The following PDE6D variants were observed in gnomAD, a reference collection of about 807,000 sequenced individuals.
The protein encoded by PDE6D is retinal rod rhodopsin-sensitive cGMP 3',5'-cyclic phosphodiesterase subunit delta.
PDE6D carries 10 observed loss-of-function variants against 21.9 expected under a neutral mutation model. The observed-to-expected ratio is 0.46, with a 90% CI of 0.28 to 0.78. The LOEUF (loss-of-function observed/expected upper bound fraction) is 0.78, where lower values mean the gene tolerates loss of function less well. PDE6D is among the 30% of genes least tolerant of loss of function. The probability of loss-of-function intolerance (pLI) is 0.12; values close to 1 mark genes in which losing one functional copy is unlikely to be tolerated. For synonymous variants in PDE6D, 59 were observed against 63.5 expected (o/e 0.93, Z 0.34); for missense variants, 139 against 184.8 (o/e 0.75, Z 1.44).
At chr2:231,756,558 T>G (rs2048883655) in intron 1 of PDE6D, among the ~76,000 whole-genome samples, 1 of 151,618 alleles carries the variant, frequency 6.6e-6, no homozygotes, top group Non-Finnish European at 1.5e-5. Flanking sequence ...CCACCTCAGC[T>G]TCTTGGGTAG....
chr2:231,736,718 CAA>C (rs997121115), intron 4 of PDE6D, among the ~76,000 whole-genome samples: 4 of 152,118 alleles, frequency 2.6e-5, no homozygotes, highest in African/African-American at 7.2e-5. Flanking sequence ...GTGATCTAAA[CAA>C]AATACAGAGA....
chr2:231,740,369 C>T (rs954250541), intron 1 of PDE6D, among the ~76,000 whole-genome samples: 2 of 151,898 alleles, frequency 1.3e-5, no homozygotes, highest in East Asian at 1.9e-4. Flanking sequence ...GCTTTCAGAA[C>T]GAAAAAGGCA....
At chr2:231,762,292 T>C (rs1326146928) in intron 1 of PDE6D, among the ~76,000 whole-genome samples, 39 of 151,124 alleles carry the variant, frequency 2.6e-4, no homozygotes. Context: ...ATCCCTTGAA[T>C]GAAACTATTT....
intron 1 of PDE6D, among the ~76,000 whole-genome samples, chr2:231,747,119 C>T (rs1045338116): frequency 2.6e-5 from 4 of 152,128 alleles, no homozygotes; most frequent in African/African-American, 4.8e-5. Context: ...GATGGAGTTT[C>T]GCTCTTTGTT....
rs1403436344 is a variant in PDE6D at position 231,739,589 on chromosome 2, T to G, written c.51-401A>C. 2.0e-5 allele frequency among the ~76,000 whole-genome samples: 3 copies of G among 151,294 alleles called. No individual in the cohort carries two copies. ...TAGTGAATGCCACAGTCCATAAACT[T>G]CACCCACAAGCACAGAACTCTCAAA... On this transcript the variant is annotated intron_variant, in intron 1 of 4. Coordinates refer to ENST00000287600, the MANE Select transcript of PDE6D (RefSeq NM_002601.4). This position sits in a 1 kb window ranked among gnomAD's most constrained non-coding sequence, Gnocchi z 4.2.
intron 1 of PDE6D, among the ~76,000 whole-genome samples, chr2:231,761,465 C>CA (rs1267933304): frequency 3.3e-5 from 5 of 152,208 alleles, no homozygotes; most frequent in African/African-American, 1.2e-4. Context: ...CGTGAGCCAC[C>CA]AGGCCTGGCC....
intron 1 of PDE6D, among the ~76,000 whole-genome samples, chr2:231,774,185 G>A (rs1344111242): frequency 2.0e-5 from 3 of 151,936 alleles, no homozygotes; most frequent in African/African-American, 4.8e-5. Flanking sequence ...CACCCACCTC[G>A]GCCTCCCAAA....
chr2:231,776,145 A>G (rs1166894073), intron 1 of PDE6D, among the ~76,000 whole-genome samples: 1 of 151,902 alleles, frequency 6.6e-6, no homozygotes, highest in Non-Finnish European at 1.5e-5. Context: ...ACATGGCGAA[A>G]CCCCCTCTCT....
At chr2:231,770,745 G>A (rs1422049635) in intron 1 of PDE6D, among the ~76,000 whole-genome samples, 1 of 152,132 alleles carries the variant, frequency 6.6e-6, no homozygotes, top group Non-Finnish European at 1.5e-5. Flanking sequence ...CTGAGGTCAG[G>A]AGTTTGAGAC....
chr2:231,770,200 C>T (rs1186110198), intron 1 of PDE6D, among the ~76,000 whole-genome samples: 1 of 152,146 alleles, frequency 6.6e-6, no homozygotes, highest in African/African-American at 2.4e-5. Context: ...GAGTAACAAC[C>T]TCCTATGTTT....
At chr2:231,772,702 T>C (rs1444714916) in intron 1 of PDE6D, among the ~76,000 whole-genome samples, 1 of 151,950 alleles carries the variant, frequency 6.6e-6, no homozygotes, top group Non-Finnish European at 1.5e-5. Context: ...AGTAAGAACC[T>C]AGAGCTTCCA....
At chr2:231,734,869 A>AC (rs1553555559) in intron 4 of PDE6D, among the ~76,000 whole-genome samples, 27 of 147,368 alleles carry the variant, frequency 1.8e-4, no homozygotes, top group African/African-American at 6.3e-4. Context: ...AAAAAAAAAA[A>AC]CCCCAAAAAA....
chr2:231,760,154 A>C (rs1204015362), intron 1 of PDE6D, among the ~76,000 whole-genome samples: 3 of 152,222 alleles, frequency 2.0e-5, no homozygotes, highest in Admixed American at 2.0e-4. Context: ...GGTCACATCC[A>C]AGTAAATTTC....
chr2:231,779,477 A>T, intron 1 of PDE6D: 1 of 140,510 alleles, frequency 7.1e-6, no homozygotes, highest in Non-Finnish European at 1.6e-5. Context: ...AAATCTCTCA[A>T]TTCTCCAGTT....
At chr2:231,758,122 TCTAC>T (rs1285163683) in intron 1 of PDE6D, among the ~76,000 whole-genome samples, 2 of 152,172 alleles carry the variant, frequency 1.3e-5, no homozygotes, top group African/African-American at 4.8e-5. Flanking sequence ...TGCCTATATA[TCTAC>T]CTACCTACCT....
chr2:231,759,562 G>C (rs1224256980), intron 1 of PDE6D, among the ~76,000 whole-genome samples: 1 of 152,138 alleles, frequency 6.6e-6, no homozygotes, highest in Non-Finnish European at 1.5e-5. Flanking sequence ...CTTGGCTACA[G>C]TGCTGGAAAG....
chr2:231,770,217 C>T lies in PDE6D; in HGVS notation c.50+10848G>A, dbSNP rs567967061. ...GTAACAACCTCCTATGTTTGATCAT[C>T]ACTGAAGTTGCTAATCAGACCCCTA... On this transcript the variant is annotated intron_variant, in intron 1 of 4. Transcript: ENST00000287600. 1.5e-3 allele frequency among the ~76,000 whole-genome samples: 232 copies of T among 152,332 alleles called. 2 individuals are homozygous for T. The highest frequency in any genetic ancestry group is 6.8e-3 in the Middle Eastern group (2 of 294).
At position 231,781,046 on chromosome 2, in the gene PDE6D, C is replaced by G. The variant is rs1159863634; in HGVS notation, c.50+19G>C. ...GCCTCCCAAGTCCTCCCGGCCCCGCCCCGCTCCCGGACGGATACAGTTTGA... is the reference window on the plus strand; with the variant it reads ...GCCTCCCAAGTCCTCCCGGCCCCGCGCCGCTCCCGGACGGATACAGTTTGA... On this transcript the variant is annotated intron_variant, in intron 1 of 4. Transcript: ENST00000287600. 1 of 1,610,238 alleles carries G rather than the reference C, an allele frequency of 6.2e-7. No homozygotes were observed. Among genetic ancestry groups the G allele is most frequent in the African/African-American group, 1.3e-5 (1 of 74,890 alleles).
intron 1 of PDE6D, among the ~76,000 whole-genome samples, chr2:231,749,413 C>T (rs547546392): frequency 2.8e-4 from 42 of 152,074 alleles, no homozygotes; most frequent in African/African-American, 8.7e-4. Context: ...GTACCCCCAC[C>T]GTATCTAGGA....
Sources: allele counts gnomAD v4.1 joint callset (sites outside exome capture counted in the v4.1 genomes callset), GRCh38; gene constraint gnomAD v4.1.1; non-coding constraint Gnocchi (gnomAD v3.1); transcripts MANE v1.5; gene names NCBI Gene and HGNC (gene_info 2026-07-23, HGNC 2026-07-21).